The following MCF2L variants were observed in gnomAD, a reference collection of about 807,000 sequenced individuals.
The protein encoded by MCF2L is guanine nucleotide exchange factor DBS.
MCF2L carries 97 observed loss-of-function variants against 153.4 expected under a neutral mutation model. The observed-to-expected ratio is 0.63, with a 90% CI of 0.54 to 0.75. MCF2L has a LOEUF of 0.75. Among genes scored for constraint, MCF2L ranks in the 30% least tolerant of loss-of-function variants. MCF2L has a pLI of 0.00. For missense variants in MCF2L, 1,347 were observed against 1,495.2 expected, an observed-to-expected ratio of 0.90 and a Z score of 1.64; for synonymous variants, 659 against 632.2, an observed-to-expected ratio of 1.04 and a Z score of -0.64.
intron 2 of MCF2L, among the ~76,000 whole-genome samples, chr13:112,924,276 GAC>G (rs984135995): frequency 2.6e-5 from 4 of 152,080 alleles, no homozygotes; most frequent in Admixed American, 2.6e-4. Context: ...GGGCTACAGA[GAC>G]AGCACAGACA....
At chr13:112,968,868 C>A (rs1566669150), upstream of MCF2L, 1 of 914,014 alleles carries the variant, frequency 1.1e-6, no homozygotes, top group Non-Finnish European at 1.5e-6. Context: ...CGCGGGGCTC[C>A]CAGGGGACCT....
At chr13:113,009,412 A>G (rs2083932153) in intron 1 of MCF2L, 1 of 152,262 alleles carries the variant, frequency 6.6e-6, no homozygotes, top group African/African-American at 2.4e-5. Context: ...CGTTAAACAT[A>G]TTTGAGATTT....
Position 112,947,066 on chromosome 13 carries a change from G to T in MCF2L, c.169+44695G>T, listed in dbSNP as rs143220022. 2.0e-3 allele frequency among the ~76,000 whole-genome samples: 302 copies of T among 152,254 alleles called. 1 individual carries two copies. The highest frequency in any genetic ancestry group is 6.9e-3 in the African/African-American group (287 of 41,536). ...CAGACTGGGTAATTTATTAAAACCA[G>T]AAATTTATTTCCTCATGGTTCCCAA... On this transcript the variant is annotated intron_variant, in intron 2 of 29. Coordinates refer to the MCF2L transcript ENST00000375608.
intron 16 of MCF2L, 77 bp from the exon 17 acceptor site, chr13:113,082,350 G>A (rs1450899760): frequency 1.2e-6 from 1 of 824,732 alleles, no homozygotes; most frequent in Non-Finnish European, 2.1e-6. Context: ...CCACAGATGA[G>A]CCGGCATCCC....
chr13:112,946,742 G>A (rs1037007999), intron 2 of MCF2L, among the ~76,000 whole-genome samples: 3 of 152,216 alleles, frequency 2.0e-5, no homozygotes, highest in Admixed American at 2.0e-4. Flanking sequence ...GGCACTGTGA[G>A]GATGCGTATC....
intron 8 of MCF2L, among the ~76,000 whole-genome samples, chr13:113,066,833 G>C (rs186082488): frequency 2.0e-5 from 3 of 152,156 alleles, no homozygotes; most frequent in Admixed American, 2.0e-4. Flanking sequence ...GCTGGACAGC[G>C]GCTTGTCCGG....
At chr13:113,016,004 C>T (rs1038776879) in intron 2 of MCF2L, among the ~76,000 whole-genome samples, 10 of 152,202 alleles carry the variant, frequency 6.6e-5, no homozygotes, top group South Asian at 4.1e-4. Context: ...AGGAGGGCCC[C>T]GACCTGGGCC....
chr13:112,982,777 G>T (rs1397784046), intron 1 of MCF2L, among the ~76,000 whole-genome samples: 3 of 152,206 alleles, frequency 2.0e-5, no homozygotes, highest in African/African-American at 7.2e-5. Flanking sequence ...CTGTGATCGT[G>T]TCTGTGGTTG....
rs916397094 is a variant in MCF2L, at chr13:112,959,896, T to C, written c.170-54867T>C. On this transcript the variant is annotated intron_variant, in intron 2 of 29. Transcript: ENST00000375608. The stretch of plus-strand genomic sequence containing the variant: ...GAGGCTTTCTGAATGGTCGTGCCTG[T>C]CTCCATCATGGGAGATGCACAGTGG... 7.9e-5 allele frequency among the ~76,000 whole-genome samples: 12 copies of C among 152,294 alleles called. No homozygotes were observed. The East Asian group carries it at 2.3e-3, about 29-fold the overall frequency.
intron 3 of MCF2L, among the ~76,000 whole-genome samples, chr13:113,033,692 G>A (rs141369558): frequency 9.8e-4 from 149 of 152,244 alleles, no homozygotes; most frequent in Admixed American, 2.2e-3. Flanking sequence ...GCCATCTCTG[G>A]CTGGCCTGAG....
intron 2 of MCF2L, among the ~76,000 whole-genome samples, chr13:112,936,087 C>A (rs987401115): frequency 6.6e-6 from 1 of 152,116 alleles, no homozygotes; most frequent in Admixed American, 6.5e-5. Flanking sequence ...CAAGACCAGC[C>A]TGGCCAACAT....
intron 2 of MCF2L, among the ~76,000 whole-genome samples, chr13:112,954,143 G>A (rs993693537): frequency 2.0e-5 from 3 of 152,192 alleles, no homozygotes; most frequent in Non-Finnish European, 2.9e-5. Context: ...CTTGTCACCC[G>A]AGGAGAGGGG....
chr13:112,993,928 C>G lies in MCF2L; in HGVS notation c.80-20835C>G, dbSNP rs2082999378. On this transcript the variant is annotated intron_variant, in intron 1 of 29. Coordinates refer to ENST00000535094, the MANE Select transcript of MCF2L (RefSeq NM_001112732.3). The surrounding 1 kb of genome is among the most constrained non-coding windows in gnomAD (Gnocchi z 4.6). ...TGAGATCCACAGCTCGATTTCCCTTCAGATAAAAGGCACAATCACAACAGC... is the reference window on the plus strand; with the variant it reads ...TGAGATCCACAGCTCGATTTCCCTTGAGATAAAAGGCACAATCACAACAGC... Among the ~76,000 whole-genome samples, 1 of 121,252 alleles carries G rather than the reference C, an allele frequency of 8.2e-6. No individual in the cohort carries two copies. The highest frequency in any genetic ancestry group is 1.1e-4 in the Admixed American group (1 of 8,862). 79.5% of individuals were successfully genotyped at this position (121,252 alleles called of 152,430 possible).
intron 2 of MCF2L, among the ~76,000 whole-genome samples, chr13:112,906,725 G>A (rs2081176560): frequency 6.6e-6 from 1 of 152,228 alleles, no homozygotes; most frequent in Non-Finnish European, 1.5e-5. Flanking sequence ...AATTGAGCGT[G>A]AGAGAGCAAG....
At chr13:112,997,010 G>A (rs2083165270) in intron 1 of MCF2L, among the ~76,000 whole-genome samples, 1 of 152,258 alleles carries the variant, frequency 6.6e-6, no homozygotes, top group Non-Finnish European at 1.5e-5. Flanking sequence ...GCTGGGCCTA[G>A]GCGGGTGCTG....
chr13:113,042,859 G>A (rs1384856438), intron 3 of MCF2L: 1 of 152,348 alleles, frequency 6.6e-6, no homozygotes, highest in Non-Finnish European at 1.5e-5. Flanking sequence ...CCCGTTGCTG[G>A]TCTGGGCTGT....
Position 112,904,588 on chromosome 13 carries a change from G to A in MCF2L, c.169+2217G>A, listed in dbSNP as rs1372784064. ...CTGATCCCTGAGTCCTGGAGGCCCA[G>A]GGCTGGCTTTACCAAGAAAGCCCTT... On this transcript the variant is annotated intron_variant, in intron 2 of 29. Coordinates refer to the MCF2L transcript ENST00000375608. This position sits in a 1 kb window ranked among gnomAD's most constrained non-coding sequence, Gnocchi z 4.2. Among the ~76,000 whole-genome samples the A allele has an allele frequency of 6.6e-6, 1 of 152,254 alleles. No homozygotes were observed. Among genetic ancestry groups the A allele is most frequent in the Admixed American group, 6.5e-5 (1 of 15,290 alleles).
At chr13:113,006,174 C>A in intron 1 of MCF2L, among the ~76,000 whole-genome samples, 1 of 152,228 alleles carries the variant, frequency 6.6e-6, no homozygotes, top group Non-Finnish European at 1.5e-5. Context: ...CCCTCCCAGC[C>A]CCTCTGCGAG....
At chr13:113,086,463 C>A (rs1474554167) in intron 21 of MCF2L, among the ~76,000 whole-genome samples, 1 of 152,196 alleles carries the variant, frequency 6.6e-6, no homozygotes, top group African/African-American at 2.4e-5. Flanking sequence ...ACTGGGCTCT[C>A]TGGGACGTGG....
Sources: gnomAD v4.1 joint callset for allele counts (sites outside exome capture counted in the v4.1 genomes callset) on GRCh38, gnomAD v4.1.1 for gene constraint, Gnocchi (gnomAD v3.1) non-coding constraint, MANE v1.5 for transcripts, NCBI Gene and HGNC (gene_info 2026-07-23, HGNC 2026-07-21) for gene names.